OPCML: variants seen among roughly 807,000 people sequenced by gnomAD.
The protein encoded by OPCML is opioid binding protein/cell adhesion molecule like, also known as opioid-binding protein/cell adhesion molecule.
Under a neutral mutation model 37.8 loss-of-function variants are expected in OPCML, and 13 were observed. That is an observed-to-expected ratio of 0.34 (90% CI 0.22 to 0.55). The LOEUF is 0.55. Among genes scored for constraint, OPCML ranks in the 20% least tolerant of loss-of-function variants. The probability of loss-of-function intolerance (pLI) is 0.91; values close to 1 mark genes in which losing one functional copy is unlikely to be tolerated. For missense variants in OPCML, 341 were observed against 435.6 expected (o/e 0.78, Z 1.93); for synonymous variants, 176 against 168.8 (o/e 1.04, Z -0.33).
chr11:133,332,157 C>T (rs1169965117), intron 1 of OPCML, among the ~76,000 whole-genome samples: 1 of 152,006 alleles, frequency 6.6e-6, no homozygotes, highest in Non-Finnish European at 1.5e-5. Flanking sequence ...CCTAGTTAGC[C>T]ATATTTCTAG....
intron 1 of OPCML, among the ~76,000 whole-genome samples, chr11:133,180,985 T>A (rs1451534976): frequency 6.6e-6 from 1 of 152,062 alleles, no homozygotes; most frequent in Non-Finnish European, 1.5e-5. Flanking sequence ...CTTCAACAGG[T>A]GAGTGGCTGA....
At chr11:132,696,491 G>C (rs1943603914) in intron 2 of OPCML, among the ~76,000 whole-genome samples, 2 of 152,230 alleles carry the variant, frequency 1.3e-5, no homozygotes, top group Admixed American at 6.5e-5. Context: ...AGAGATTTAA[G>C]ATGATACTAT....
intron 1 of OPCML, among the ~76,000 whole-genome samples, chr11:133,085,260 A>G (rs1451179789): frequency 6.6e-6 from 1 of 152,222 alleles, no homozygotes; most frequent in East Asian, 1.9e-4. Context: ...CCTGGGATTG[A>G]CAGAGTTCAC....
intron 2 of OPCML, among the ~76,000 whole-genome samples, chr11:132,781,591 C>T (rs1032239569): frequency 7.1e-6 from 1 of 140,878 alleles, no homozygotes; most frequent in African/African-American, 2.5e-5. Context: ...CACACACATA[C>T]ACATATACAT....
intron 4 of OPCML, among the ~76,000 whole-genome samples, chr11:132,504,460 G>A (rs1227382648): frequency 6.6e-6 from 1 of 151,702 alleles, no homozygotes; most frequent in Non-Finnish European, 1.5e-5. Context: ...GGAATTCAGA[G>A]CTGTGTCTCT....
intron 1 of OPCML, among the ~76,000 whole-genome samples, chr11:133,235,620 C>G (rs759821040): frequency 6.6e-6 from 1 of 152,216 alleles, no homozygotes; most frequent in Non-Finnish European, 1.5e-5. Flanking sequence ...CCTGTAAGAG[C>G]TGCAAGAGGT....
chr11:133,376,856 T>C (rs1414844978), intron 1 of OPCML, among the ~76,000 whole-genome samples: 1 of 152,174 alleles, frequency 6.6e-6, no homozygotes, highest in Non-Finnish European at 1.5e-5. Flanking sequence ...AAATTTTGCA[T>C]TGAAGGAGAA....
At chr11:133,204,868 G>GTATA (rs57658806) in intron 1 of OPCML, among the ~76,000 whole-genome samples, 3,368 of 114,956 alleles carry the variant, frequency 0.029, 122 homozygotes, top group East Asian at 0.093. Context: ...ATATATATGT[G>GTATA]TATATATATA....
intron 1 of OPCML, among the ~76,000 whole-genome samples, chr11:133,296,390 A>G (rs1270000545): frequency 6.6e-6 from 1 of 152,202 alleles, no homozygotes; most frequent in African/African-American, 2.4e-5. Flanking sequence ...CCTGAATTAA[A>G]AGACTCCGCA....
At chr11:132,679,972 AAGAGT>A (rs1407545747) in intron 2 of OPCML, among the ~76,000 whole-genome samples, 10 of 152,196 alleles carry the variant, frequency 6.6e-5, no homozygotes, top group Admixed American at 5.9e-4. Flanking sequence ...TAGTAGATGC[AAGAGT>A]AGAGAAGGTT....
At chr11:133,279,089 G>A (rs1308254250) in intron 1 of OPCML, among the ~76,000 whole-genome samples, 1 of 152,166 alleles carries the variant, frequency 6.6e-6, no homozygotes, top group Non-Finnish European at 1.5e-5. Context: ...GTAGTCCACG[G>A]CTAATAGGAA....
chr11:133,247,613 T>C (rs1592139129), intron 1 of OPCML, among the ~76,000 whole-genome samples: 1 of 150,446 alleles, frequency 6.6e-6, no homozygotes, highest in East Asian at 1.9e-4. Context: ...CTTTCTTTCT[T>C]TTTTTTTTGA....
At chr11:133,118,969 G>A (rs1042062729) in intron 1 of OPCML, among the ~76,000 whole-genome samples, 2 of 152,184 alleles carry the variant, frequency 1.3e-5, no homozygotes, top group African/African-American at 4.8e-5. Flanking sequence ...TGTTAGTCCC[G>A]AAGGCCAAAG....
At chr11:132,586,982 G>A (rs956834981) in intron 3 of OPCML, among the ~76,000 whole-genome samples, 6 of 152,282 alleles carry the variant, frequency 3.9e-5, no homozygotes, top group Middle Eastern at 3.4e-3. Context: ...ATATGCATTC[G>A]GGCATACTAA....
At chr11:133,442,684 A>C (rs1354397835) in intron 1 of OPCML, among the ~76,000 whole-genome samples, 1 of 151,164 alleles carries the variant, frequency 6.6e-6, no homozygotes, top group Non-Finnish European at 1.5e-5. Context: ...ATAGTGACCT[A>C]CTGTTCCCTG....
intron 4 of OPCML, among the ~76,000 whole-genome samples, chr11:132,514,327 C>T (rs892940043): frequency 3.3e-5 from 5 of 152,136 alleles, no homozygotes; most frequent in Non-Finnish European, 5.9e-5. Context: ...GCTTGAAAGT[C>T]GCCCACAACC....
intron 1 of OPCML, among the ~76,000 whole-genome samples, chr11:133,101,475 C>T (rs1326314590): frequency 6.6e-6 from 1 of 152,150 alleles, no homozygotes; most frequent in African/African-American, 2.4e-5. Context: ...AATTGCACAG[C>T]ATCATCATAT....
At chr11:133,320,502 T>G (rs1943303777) in intron 1 of OPCML, among the ~76,000 whole-genome samples, 1 of 152,128 alleles carries the variant, frequency 6.6e-6, no homozygotes, top group Admixed American at 6.5e-5. Flanking sequence ...AATGAGAAAA[T>G]TAAATGAAGC....
chr11:132,766,799 T>C (rs151282317), intron 2 of OPCML, among the ~76,000 whole-genome samples: 34 of 151,756 alleles, frequency 2.2e-4, no homozygotes, highest in African/African-American at 7.5e-4. Context: ...AGATCCAAGA[T>C]GGAAGAAAAA....
Sources: gnomAD v4.1 joint callset for allele counts (sites outside exome capture counted in the v4.1 genomes callset) on GRCh38, gnomAD v4.1.1 for gene constraint, MANE v1.5 for transcripts, NCBI Gene and HGNC (gene_info 2026-07-23, HGNC 2026-07-21) for gene names.